FREM2: variants seen among roughly 807,000 people sequenced by gnomAD.
The protein encoded by FREM2 is FRAS1 related extracellular matrix 2.
Under a neutral mutation model 219.9 loss-of-function variants are expected in FREM2, and 119 were observed. The ratio of observed to expected loss-of-function variants is 0.54; its 90% CI spans 0.47 to 0.63. FREM2 has a LOEUF of 0.63. FREM2 is among the 30% of genes least tolerant of loss of function. The pLI is 0.00. For missense variants in FREM2, 4,030 were observed against 3,993.6 expected (o/e 1.01, Z -0.25); for synonymous variants, 1,562 against 1,522.8 (o/e 1.03, Z -0.60).
intron 11 of FREM2, among the ~76,000 whole-genome samples, chr13:38,852,601 G>C (rs964439090): frequency 1.3e-5 from 2 of 151,908 alleles, no homozygotes; most frequent in Non-Finnish European, 2.9e-5. Context: ...TAAAAGTATA[G>C]TGAAATATTA....
chr13:38,744,740 C>G (rs1217044980), intron 2 of FREM2, among the ~76,000 whole-genome samples: 6 of 152,198 alleles, frequency 3.9e-5, no homozygotes, highest in Non-Finnish European at 8.8e-5. Flanking sequence ...GATCCACCTG[C>G]CTTGGCCTCC....
chr13:38,688,004 C>A lies in FREM2; in HGVS notation c.660C>A (p.Ile220=). ...AGACAGAGGAGTGCCGCGTGGGCAT[C>A]CTGTCCGGCTTGGGCGCGCTGCCTC... The part of the protein sequence containing the change: ...QPETEECRVG[I]LSGLGALPRY... Residue 220 remains isoleucine (I), a synonymous_variant, in exon 1 of 24, where the codon ATC becomes ATA. Coordinates refer to ENST00000280481, the MANE Select transcript of FREM2 (RefSeq NM_207361.6). 1 of 1,612,292 alleles carries A rather than the reference C, an allele frequency of 6.2e-7. No homozygotes were observed. Among genetic ancestry groups the A allele is most frequent in the African/African-American group, 1.3e-5 (1 of 75,056 alleles).
chr13:38,800,073 C>T (rs1035256946), intron 6 of FREM2, among the ~76,000 whole-genome samples: 5 of 151,698 alleles, frequency 3.3e-5, no homozygotes, highest in African/African-American at 9.7e-5. Context: ...TATTGTTTGT[C>T]GTTGTGGTTT....
chr13:38,737,686 C>T (rs1872054590), intron 2 of FREM2, among the ~76,000 whole-genome samples: 1 of 152,270 alleles, frequency 6.6e-6, no homozygotes, highest in South Asian at 2.1e-4. Flanking sequence ...CCCTGAGAGA[C>T]TGCATCATGT....
chr13:38,743,713 A>G (rs1593379176), intron 2 of FREM2, among the ~76,000 whole-genome samples: 1 of 152,264 alleles, frequency 6.6e-6, no homozygotes, highest in East Asian at 1.9e-4. Context: ...CCCCTAAACC[A>G]CTATAGCAAC....
intron 2 of FREM2, among the ~76,000 whole-genome samples, chr13:38,707,064 G>A (rs1224707544): frequency 6.6e-6 from 1 of 152,168 alleles, no homozygotes; most frequent in Non-Finnish European, 1.5e-5. Context: ...TTTCAGAACA[G>A]TTAGTGCAAG....
intron 2 of FREM2, among the ~76,000 whole-genome samples, chr13:38,750,423 C>T (rs1370986791): frequency 6.7e-6 from 1 of 149,088 alleles, no homozygotes; most frequent in Non-Finnish European, 1.5e-5. Context: ...ATAACGACTT[C>T]CAGTACCAAC....
intron 6 of FREM2, among the ~76,000 whole-genome samples, chr13:38,821,149 C>T (rs1308816418): frequency 6.6e-6 from 1 of 152,064 alleles, no homozygotes; most frequent in African/African-American, 2.4e-5. Context: ...ATAAATGTTA[C>T]CTTTCAGAGG....
intron 6 of FREM2, among the ~76,000 whole-genome samples, chr13:38,797,082 T>G (rs1874820296): frequency 6.6e-6 from 1 of 152,040 alleles, no homozygotes; most frequent in Non-Finnish European, 1.5e-5. Flanking sequence ...CTCTCTATGT[T>G]GCCCAGGCTG....
intron 2 of FREM2, among the ~76,000 whole-genome samples, chr13:38,698,594 C>T (rs774402767): frequency 6.6e-6 from 1 of 152,086 alleles, no homozygotes; most frequent in Non-Finnish European, 1.5e-5. Flanking sequence ...TCCCCTAGTA[C>T]ATGTGTTGTG....
At position 38,691,721 on chromosome 13, in the gene FREM2, C is replaced by G. The variant is rs41292759; in HGVS notation, c.4377C>G (p.Thr1459=). ...GTCCTGATGAAAACTTGGTTTTTAC[C>G]ATCACCAGGGCTCCCATGCGAGGTC... ...LNSPDENLVF[T]ITRAPMRGHL... The change falls in exon 1 of 24, where the codon ACC becomes ACG. Residue 1459 remains threonine (T), a synonymous_variant. Transcript: ENST00000280481. 3 of 1,613,510 alleles carry G rather than the reference C, an allele frequency of 1.9e-6. No individual in the cohort carries two copies. Among genetic ancestry groups the G allele is most frequent in the South Asian group, 2.2e-5 (2 of 91,072 alleles).
intron 2 of FREM2, among the ~76,000 whole-genome samples, chr13:38,741,516 C>T (rs1872247807): frequency 6.6e-6 from 1 of 151,998 alleles, no homozygotes; most frequent in African/African-American, 2.4e-5. Flanking sequence ...TGAGATCAGC[C>T]CTCAATTCAG....
At chr13:38,813,239 A>G (rs960933120) in intron 6 of FREM2, among the ~76,000 whole-genome samples, 5 of 151,924 alleles carry the variant, frequency 3.3e-5, no homozygotes, top group Admixed American at 1.3e-4. Flanking sequence ...TTCTCATAGG[A>G]CAGGTCTGGC....
intron 2 of FREM2, among the ~76,000 whole-genome samples, chr13:38,703,587 A>G (rs558079932): frequency 6.6e-6 from 1 of 152,306 alleles, no homozygotes; most frequent in South Asian, 2.1e-4. Flanking sequence ...TGCCTTTAAA[A>G]GCATGATTCT....
intron 6 of FREM2, among the ~76,000 whole-genome samples, chr13:38,825,264 G>A (rs1382638426): frequency 6.6e-6 from 1 of 152,020 alleles, no homozygotes; most frequent in African/African-American, 2.4e-5. Context: ...CCAGTATGGA[G>A]CACAGTGCCT....
In FREM2 at chr13:38,688,417, A is replaced by G. The variant is rs745736319; in HGVS notation, c.1073A>G (p.Asn358Ser). ...TCTCCCTCTGACCTGTTGATCTTCAACCTTACTTCTCCATTCCAGCCTGGC... is the reference window on the plus strand; with the variant it reads ...TCTCCCTCTGACCTGTTGATCTTCAGCCTTACTTCTCCATTCCAGCCTGGC... ...AESPSDLLIF[N>S]LTSPFQPGQG... The change falls in exon 1 of 24, where the codon AAC (asparagine) becomes AGC (serine). Residue 358 changes from asparagine to serine, a missense_variant. This residue lies in a region of FREM2 where 3,102 missense variants were observed against 2,950.7 expected (regional missense o/e 1.05). Coordinates refer to ENST00000280481, the MANE Select transcript of FREM2 (RefSeq NM_207361.6). 8.7e-6 allele frequency: 14 copies of G among 1,613,660 alleles called. No individual in the cohort carries two copies. Among genetic ancestry groups the G allele is most frequent in the African/African-American group, 1.3e-5 (1 of 74,872 alleles).
intron 15 of FREM2, 61 bp from the exon 16 acceptor site, chr13:38,864,214 A>T: frequency 7.7e-7 from 1 of 1,292,810 alleles, no homozygotes; most frequent in Non-Finnish European, 1.1e-6. Context: ...AAGAAGTTTT[A>T]AAGTGTTCAA....
chr13:38,858,125 A>C, intron 13 of FREM2, 92 bp downstream of exon 13: 3 of 1,116,490 alleles, frequency 2.7e-6, no homozygotes, highest in Non-Finnish European at 4.0e-6. Flanking sequence ...TTATGAAGAA[A>C]TGAAAGTAGA....
At chr13:38,760,589 A>C (rs939384182) in intron 2 of FREM2, among the ~76,000 whole-genome samples, 1 of 152,182 alleles carries the variant, frequency 6.6e-6, no homozygotes, top group Non-Finnish European at 1.5e-5. Flanking sequence ...GAAGTATGCA[A>C]ACATTTTAGA....
Sources: allele counts gnomAD v4.1 joint callset (sites outside exome capture counted in the v4.1 genomes callset), GRCh38; gene constraint gnomAD v4.1.1; regional missense constraint gnomAD v4.1.1; transcripts MANE v1.5; gene names NCBI Gene and HGNC (gene_info 2026-07-23, HGNC 2026-07-21).